The following APOB variants were observed in gnomAD, a reference collection of about 807,000 sequenced individuals.
APOB encodes the protein apolipoprotein B-100.
In APOB, 153 loss-of-function variants were observed where a neutral mutation model predicts 314.1. The observed-to-expected ratio is 0.49, with a 90% confidence interval of 0.43 to 0.56. The LOEUF is 0.56. Among genes scored for constraint, APOB ranks in the 20% least tolerant of loss-of-function variants. The pLI is 0.00. For missense variants in APOB, 5,430 were observed against 5,350.7 expected, an observed-to-expected ratio of 1.01 and a Z score of -0.46; for synonymous variants, 2,087 against 2,036.4, an observed-to-expected ratio of 1.02 and a Z score of -0.67.
At chr2:21,019,225 A>G (rs1211332449) in intron 19 of APOB, 112 bp from the exon 20 acceptor site, 2 of 1,360,780 alleles carry the variant, frequency 1.5e-6, no homozygotes, top group African/African-American at 2.9e-5. Flanking sequence ...CCTTATTTTA[A>G]CATTGTCTCT....
In APOB at chr2:21,035,656, A is replaced by C; in HGVS notation, c.746T>G (p.Leu249Arg). 1 of 1,614,104 alleles carries C rather than the reference A, an allele frequency of 6.2e-7. No individual in the cohort carries two copies. The highest frequency in any genetic ancestry group is 8.5e-7 in the Non-Finnish European group (1 of 1,180,018). ...ISSSQSCQYT[L>R]DAKRKHVAEA... ...TGCCACATGCTTCCTCTTAGCGTCC[A>C]GTGTGTACTGACAGGACTGGCTGCT... Residue 249 changes from leucine to arginine, a missense_variant, in exon 7 of 29, where the codon CTG (leucine) becomes CGG (arginine). Leu to Arg is a moderately radical substitution (Grantham distance 102). Transcript: ENST00000233242.
At chr2:21,027,194 A>C (rs1663751638) in intron 14 of APOB, among the ~76,000 whole-genome samples, 1 of 152,212 alleles carries the variant, frequency 6.6e-6, no homozygotes, top group African/African-American at 2.4e-5. Flanking sequence ...AGGACAAATA[A>C]TTCAACAAAG....
rs1211036281 is a variant in APOB, at chr2:21,029,913, G to A, written c.1455C>T (p.Thr485=). The A allele has an allele frequency of 5.0e-6, 8 of 1,612,450 alleles. No homozygotes were observed. The highest frequency in any genetic ancestry group is 6.8e-6 in the Non-Finnish European group (8 of 1,178,596). ...CTGAGATTACCCGCAGAATCAAATA[G>A]GTGTAATCTTCATCCCCAGTGCAGT... is the stretch of plus-strand genomic sequence containing the variant. ...QDDCTGDEDY[T]YLILRVIGNM... The change falls in exon 11 of 29, where the codon ACC becomes ACT. Residue 485 remains threonine (T), a synonymous_variant. Coordinates refer to ENST00000233242, the MANE Select transcript of APOB (RefSeq NM_000384.3).
intron 10 of APOB, 36 bp downstream of exon 10, chr2:21,032,318 T>C (rs1328379205): frequency 1.3e-6 from 2 of 1,582,578 alleles, no homozygotes; most frequent in African/African-American, 1.3e-5. Context: ...GATGTTCCTC[T>C]GCTCCTAGGA....
At chr2:21,022,094 T>C (rs1418195488) in intron 18 of APOB, among the ~76,000 whole-genome samples, 1 of 152,200 alleles carries the variant, frequency 6.6e-6, no homozygotes, top group Non-Finnish European at 1.5e-5. Flanking sequence ...TAGCTGGAGC[T>C]ACAGGCATGT....
At chr2:21,033,624 A>G (rs1215052372) in intron 8 of APOB, 106 bp from the exon 9 acceptor site, 13 of 948,338 alleles carry the variant, frequency 1.4e-5, no homozygotes, top group Non-Finnish European at 2.2e-5. Context: ...GGGAAAAGGG[A>G]AAGAAACTAT....
rs1311363048 is a variant in APOB, at chr2:21,037,214, C to T, written c.579G>A (p.Lys193=). 35 of 1,614,054 alleles carry T rather than the reference C, an allele frequency of 2.2e-5. No homozygotes were observed. The highest frequency in any genetic ancestry group is 3.0e-5 in the Non-Finnish European group (35 of 1,180,056). ...YGNCSTHFTV[K]TRKGNVATEI... ...CTGTTGCCACATTGCCCTTCCTCGT[C>T]TTGACGGTAAAGTGAGTGGAGCAGT... Residue 193 remains lysine (K), a synonymous_variant, in exon 6 of 29, where the codon AAG becomes AAA. Coordinates refer to ENST00000233242, the MANE Select transcript of APOB (RefSeq NM_000384.3).
rs1663094085 is a variant in APOB, at chr2:21,005,220, A to T, written c.11648T>A (p.Leu3883Gln). The T allele has an allele frequency of 6.2e-7, 1 of 1,613,992 alleles. No individual in the cohort carries two copies. The highest frequency in any genetic ancestry group is 1.1e-5 in the South Asian group (1 of 91,088). ...AGAGTCTACCTCAAAGCGTGCAGTCAGTGCTTGAAAGGAAGGAATGACAAT... is the reference window on the plus strand; with the variant it reads ...AGAGTCTACCTCAAAGCGTGCAGTCTGTGCTTGAAAGGAAGGAATGACAAT... ...AGIVIPSFQA[L>Q]TARFEVDSPV... Residue 3883 changes from leucine (L) to glutamine (Q), a missense_variant, in exon 26 of 29, where the codon CTG becomes CAG. Physicochemically the swap from Leu to Gln is moderately radical, Grantham distance 113. Around this residue, in one of 3 missense-constraint regions of APOB, gnomAD observed 3,281 missense variants for 3,171.0 expected, o/e 1.03. Transcript: ENST00000233242.
Position 21,044,039 on chromosome 2 carries a change from G to C in APOB, c.-94C>G. ...CGGGCTCCTCAGCGGCAGCAACCGA[G>C]AAGGGCACTCAGCCCCGCAGGTCCC... On this transcript the variant is annotated 5_prime_UTR_variant, in exon 1 of 29. Transcript: ENST00000233242. 1.8e-6 allele frequency: 1 copy of C among 549,306 alleles called. No homozygotes were observed. The highest frequency in any genetic ancestry group is 2.7e-6 in the Non-Finnish European group (1 of 376,118). 34.0% of individuals were successfully genotyped at this position (549,306 alleles called of 1,614,324 possible).
At chr2:21,016,965 A>C (rs1012293930) in intron 20 of APOB, among the ~76,000 whole-genome samples, 15 of 150,278 alleles carry the variant, frequency 1.0e-4, no homozygotes, top group African/African-American at 2.7e-4. Context: ...GCCTGGGCAA[A>C]AGAGCGAGAC....
chr2:21,003,597 T>C (rs1663055424), intron 28 of APOB, among the ~76,000 whole-genome samples: 2 of 151,972 alleles, frequency 1.3e-5, no homozygotes, highest in Admixed American at 1.3e-4. Flanking sequence ...ACACTTAAAA[T>C]TAAAGCCTTC....
Position 21,019,921 on chromosome 2 carries a change from A to T in APOB, c.2817-16T>A, listed in dbSNP as rs749579686. The T allele has an allele frequency of 1.5e-5, 24 of 1,613,702 alleles. No homozygotes were observed. The Admixed American group carries it at 4.0e-4, about 27-fold the overall frequency. On this transcript the variant is annotated splice_polypyrimidine_tract_variant and intron_variant, in intron 18 of 28. Coordinates refer to ENST00000233242, the MANE Select transcript of APOB (RefSeq NM_000384.3). ...TAATGTGTTGCTGGTGAAGAACAAAAATACCTGAGTTATTGCCAAGTCATG... is the reference window on the plus strand; with the variant it reads ...TAATGTGTTGCTGGTGAAGAACAAATATACCTGAGTTATTGCCAAGTCATG...
rs770020211 is a variant in APOB at position 21,005,441 on chromosome 2, G to A, written c.11427C>T (p.Pro3809=). 1.4e-5 allele frequency: 23 copies of A among 1,613,986 alleles called. No homozygotes were observed. The South Asian group carries it at 2.1e-4, about 15-fold the overall frequency. Residue 3809 remains proline (P), a synonymous_variant, in exon 26 of 29, where the codon CCC becomes CCT. Coordinates refer to ENST00000233242, the MANE Select transcript of APOB (RefSeq NM_000384.3). ...ATTCAGGCACGGTTATCTCAAAAAA[G>A]GGAATCAAGGAGTCTTCTGGTTGAG... ...KYSQPEDSLI[P]FFEITVPESQ...
intron 6 of APOB, among the ~76,000 whole-genome samples, chr2:21,036,040 T>C (rs1287384502): frequency 6.6e-6 from 1 of 152,226 alleles, no homozygotes; most frequent in Non-Finnish European, 1.5e-5. Context: ...CTCTTTCATT[T>C]ACATATTCTT....
In APOB at chr2:21,016,660, GT is replaced by G; in HGVS notation, c.3122-12del. The G allele has an allele frequency of 1.9e-6, 3 of 1,554,362 alleles. No homozygotes were observed. The highest frequency in any genetic ancestry group is 2.7e-6 in the Non-Finnish European group (3 of 1,125,552). ...CAGTCTGCTTCGCACCTGGACGAGT[GT>G]ATAAGAGAATCAAGAGATGTGTGGT... On this transcript the variant is annotated splice_polypyrimidine_tract_variant and intron_variant, in intron 20 of 28. Coordinates refer to ENST00000233242, the MANE Select transcript of APOB (RefSeq NM_000384.3).
At position 21,010,433 on chromosome 2, in the gene APOB, G is replaced by T; in HGVS notation, c.6435C>A (p.Leu2145=). 1 of 1,602,264 alleles carries T rather than the reference G, an allele frequency of 6.2e-7. No individual in the cohort carries two copies. Among genetic ancestry groups the T allele is most frequent in the Non-Finnish European group, 8.5e-7 (1 of 1,173,362 alleles). ...VSHAKEKLTA[L]TKKYRITEND... is the part of the protein sequence containing the mutation. ...TTTCTGTAATTCTATACTTTTTTGT[G>T]AGAGCAGTCAGTTTCTCCTTGGCAT... Residue 2145 remains leucine (L), a synonymous_variant, in exon 26 of 29, where the codon CTC becomes CTA. Transcript: ENST00000233242.
In APOB at chr2:21,007,693, G is replaced by T. The variant is rs146377316; in HGVS notation, c.9175C>A (p.Arg3059Ser). The T allele has an allele frequency of 6.2e-7, 1 of 1,614,042 alleles. No individual in the cohort carries two copies. Among genetic ancestry groups the T allele is most frequent in the South Asian group, 1.1e-5 (1 of 91,056 alleles). Residue 3059 changes from arginine (R) to serine (S), a missense_variant, in exon 26 of 29, where the codon CGT becomes AGT. Arg to Ser is a moderately radical substitution (Grantham distance 110). This residue lies in a region of APOB where 3,281 missense variants were observed against 3,171.0 expected (regional missense o/e 1.03). Transcript: ENST00000233242. ...STNNEGNLKV[R>S]FPLRLTGKID... is the part of the protein sequence containing the mutation. ...TTCCCTGTTAACCTTAATGGAAAAC[G>T]AACTTTCAAATTCCCTTCATTGTTT...
chr2:21,043,783 A>G, intron 1 of APOB, 81 bp downstream of exon 1: 1 of 1,517,534 alleles, frequency 6.6e-7, no homozygotes, highest in South Asian at 1.3e-5. Flanking sequence ...CCTCTGGCCT[A>G]GGCCCAGGCT....
At chr2:21,042,806 G>A (rs1463038736) in intron 2 of APOB, among the ~76,000 whole-genome samples, 1 of 151,794 alleles carries the variant, frequency 6.6e-6, no homozygotes, top group African/African-American at 2.4e-5. Flanking sequence ...TACGCAAATA[G>A]TACTATCTCT....
Sources: gnomAD v4.1 joint callset for allele counts (sites outside exome capture counted in the v4.1 genomes callset) on GRCh38, gnomAD v4.1.1 for gene constraint, gnomAD v4.1.1 regional missense constraint, MANE v1.5 for transcripts, NCBI Gene and HGNC (gene_info 2026-07-23, HGNC 2026-07-21) for gene names.